The following UBE2G1 variants were observed in gnomAD, a reference collection of about 807,000 sequenced individuals.
UBE2G1 encodes the protein ubiquitin conjugating enzyme E2 G1.
In UBE2G1, 5 loss-of-function variants were observed where a neutral mutation model predicts 22.7. The ratio of observed to expected loss-of-function variants is 0.22; its 90% CI spans 0.12 to 0.46. UBE2G1 has a LOEUF of 0.46. Among genes scored for constraint, UBE2G1 ranks in the 20% least tolerant of loss-of-function variants. UBE2G1 has a pLI of 0.99. For missense variants in UBE2G1, 88 were observed against 203.9 expected, an observed-to-expected ratio of 0.43 and a Z score of 3.46; for synonymous variants, 74 against 67.5, an observed-to-expected ratio of 1.10 and a Z score of -0.47.
intron 2 of UBE2G1, chr17:4,301,468 A>G (rs1969179114): frequency 7.7e-6 from 6 of 776,372 alleles, no homozygotes; most frequent in South Asian, 4.0e-5. Flanking sequence ...TATTTTTGCT[A>G]TAATAATCCT....
At chr17:4,275,724 T>C (rs1009179491) in intron 5 of UBE2G1, among the ~76,000 whole-genome samples, 5 of 152,204 alleles carry the variant, frequency 3.3e-5, no homozygotes, top group African/African-American at 9.7e-5. Flanking sequence ...CTTAAGTGTT[T>C]CAATGATCTT....
At chr17:4,281,288 T>C (rs570400026) in intron 5 of UBE2G1, among the ~76,000 whole-genome samples, 1 of 152,298 alleles carries the variant, frequency 6.6e-6, no homozygotes, top group South Asian at 2.1e-4. Flanking sequence ...GAAGAATGCA[T>C]TCATTATCAT....
At chr17:4,348,301 C>T (rs1476836324) in intron 1 of UBE2G1, among the ~76,000 whole-genome samples, 2 of 151,992 alleles carry the variant, frequency 1.3e-5, no homozygotes, top group African/African-American at 4.8e-5. Context: ...CGCCTGTAAT[C>T]CCAGCACTTT....
intron 2 of UBE2G1, among the ~76,000 whole-genome samples, chr17:4,298,359 T>A (rs958081930): frequency 1.3e-5 from 2 of 152,146 alleles, no homozygotes; most frequent in Non-Finnish European, 2.9e-5. Context: ...TGGGGGTGTG[T>A]TTGTATACAC....
chr17:4,335,743 G>A (rs775778215), intron 1 of UBE2G1, among the ~76,000 whole-genome samples: 12 of 151,982 alleles, frequency 7.9e-5, no homozygotes, highest in Non-Finnish European at 1.2e-4. Context: ...ACAAAATAAC[G>A]AAGCACACAA....
chr17:4,273,514 ATT>A (rs559574668), intron 5 of UBE2G1, among the ~76,000 whole-genome samples: 1 of 150,820 alleles, frequency 6.6e-6, no homozygotes, highest in South Asian at 2.1e-4. Context: ...ATAATTTTTA[ATT>A]TTTTTTTGTA....
intron 5 of UBE2G1, among the ~76,000 whole-genome samples, chr17:4,279,232 G>A (rs1048459244): frequency 6.1e-5 from 9 of 148,508 alleles, no homozygotes; most frequent in Non-Finnish European, 8.9e-5. Flanking sequence ...CTGAGATCAC[G>A]CCATTGCACT....
intron 1 of UBE2G1, among the ~76,000 whole-genome samples, chr17:4,360,664 C>T (rs1457317811): frequency 1.3e-5 from 2 of 152,224 alleles, no homozygotes; most frequent in Non-Finnish European, 2.9e-5. Flanking sequence ...GTAATCCCAG[C>T]ACTTTGGGAG....
intron 1 of UBE2G1, among the ~76,000 whole-genome samples, chr17:4,308,424 C>T (rs573925105): frequency 1.3e-5 from 2 of 152,136 alleles, no homozygotes; most frequent in African/African-American, 4.8e-5. Flanking sequence ...ACTCAGAAGG[C>T]TAAGGCAGGA....
chr17:4,317,088 G>A (rs182638496), intron 1 of UBE2G1, among the ~76,000 whole-genome samples: 11 of 152,204 alleles, frequency 7.2e-5, no homozygotes, highest in African/African-American at 2.4e-4. Flanking sequence ...GGTGGCTCAC[G>A]CCTGTAATCC....
intron 1 of UBE2G1, among the ~76,000 whole-genome samples, chr17:4,323,367 G>A (rs557407523): frequency 3.3e-5 from 5 of 152,258 alleles, no homozygotes; most frequent in South Asian, 2.1e-4. Context: ...TACTGATGCC[G>A]TTTCTGATGC....
intron 3 of UBE2G1, among the ~76,000 whole-genome samples, chr17:4,289,795 A>G (rs955744447): frequency 1.3e-5 from 2 of 152,256 alleles, no homozygotes; most frequent in African/African-American, 2.4e-5. Flanking sequence ...CTGAGTTTCT[A>G]TGTAATGGCC....
intron 2 of UBE2G1, among the ~76,000 whole-genome samples, chr17:4,306,414 T>C (rs1158959724): frequency 6.6e-6 from 1 of 151,964 alleles, no homozygotes; most frequent in Admixed American, 6.6e-5. Flanking sequence ...ATCAAACTCC[T>C]GACCTCTCAG....
chr17:4,355,851 C>A (rs185479314), intron 1 of UBE2G1, among the ~76,000 whole-genome samples: 6,762 of 146,416 alleles, frequency 0.046, 566 homozygotes, highest in African/African-American at 0.16. Context: ...CAGGTGTGCA[C>A]CACCACACCC....
At chr17:4,276,967 T>C (rs192353011) in intron 5 of UBE2G1, among the ~76,000 whole-genome samples, 1 of 152,286 alleles carries the variant, frequency 6.6e-6, no homozygotes, top group African/African-American at 2.4e-5. Flanking sequence ...CACTAGTCAC[T>C]GAATGCAGGT....
chr17:4,285,726 C>T (rs989988721), intron 4 of UBE2G1, among the ~76,000 whole-genome samples: 3 of 151,754 alleles, frequency 2.0e-5, no homozygotes, highest in Admixed American at 6.6e-5. Context: ...CCGAGGCAGG[C>T]GGATCACGAC....
intron 5 of UBE2G1, among the ~76,000 whole-genome samples, chr17:4,277,310 A>G (rs1470601152): frequency 2.0e-5 from 3 of 152,216 alleles, no homozygotes; most frequent in Non-Finnish European, 2.9e-5. Context: ...TCCCATGGCC[A>G]TGGAAATCAT....
At chr17:4,288,684 ACCC>A (rs925069029) in intron 4 of UBE2G1, among the ~76,000 whole-genome samples, 4 of 151,790 alleles carry the variant, frequency 2.6e-5, no homozygotes, top group African/African-American at 7.3e-5. Flanking sequence ...TGCCCATTCC[ACCC>A]CCAATTCTAA....
intron 3 of UBE2G1, among the ~76,000 whole-genome samples, chr17:4,292,956 A>G (rs1969060655): frequency 1.3e-5 from 2 of 152,216 alleles, no homozygotes; most frequent in South Asian, 4.1e-4. Flanking sequence ...CTATTCCCCT[A>G]TAATAATTTT....
Sources: gnomAD v4.1 joint callset for allele counts (sites outside exome capture counted in the v4.1 genomes callset) on GRCh38, gnomAD v4.1.1 for gene constraint, MANE v1.5 for transcripts, NCBI Gene and HGNC (gene_info 2026-07-23, HGNC 2026-07-21) for gene names.